The following SRBD1 variants were observed in gnomAD, a reference collection of about 807,000 sequenced individuals.
SRBD1 encodes S1 RNA-binding domain-containing protein 1.
Under a neutral mutation model 115.3 loss-of-function variants are expected in SRBD1, and 88 were observed. That is an observed-to-expected ratio of 0.76 (90% CI 0.64 to 0.91). The LOEUF is 0.91. Ranked by LOEUF, SRBD1 falls within the 40% of genes least tolerant of loss-of-function variation. The pLI is 0.00. For synonymous variants in SRBD1, 509 were observed against 407.7 expected, an observed-to-expected ratio of 1.25 and a Z score of -2.99; for missense variants, 1,385 against 1,177.4, an observed-to-expected ratio of 1.18 and a Z score of -2.58.
chr2:45,548,814 A>AT lies in SRBD1; in HGVS notation c.1676-1203dup, dbSNP rs145782311. 8.4e-3 allele frequency among the ~76,000 whole-genome samples: 1,286 copies of AT among 152,286 alleles called. 19 individuals carry two copies. Among genetic ancestry groups the AT allele is most frequent in the African/African-American group, 0.029 (1,192 of 41,558 alleles). ...ATAACAAAAACAAAAAGTCACGACT[A>AT]TATCTAGAACATAGATAAAATATCC... On this transcript the variant is annotated intron_variant, in intron 12 of 20. Coordinates refer to ENST00000263736, the MANE Select transcript of SRBD1 (RefSeq NM_018079.5).
chr2:45,538,469 G>A (rs1671834052), intron 14 of SRBD1, among the ~76,000 whole-genome samples: 1 of 152,242 alleles, frequency 6.6e-6, no homozygotes, highest in African/African-American at 2.4e-5. Flanking sequence ...CGATAGTGAA[G>A]TAGCATCTTC....
chr2:45,580,864 T>C (rs1386872579), intron 6 of SRBD1, among the ~76,000 whole-genome samples: 1 of 151,014 alleles, frequency 6.6e-6, no homozygotes, highest in Admixed American at 6.6e-5. Context: ...TTTGTATTTT[T>C]AGTAGAGACG....
intron 9 of SRBD1, among the ~76,000 whole-genome samples, chr2:45,566,947 G>A (rs574532182): frequency 2.6e-5 from 4 of 152,110 alleles, no homozygotes; most frequent in African/African-American, 9.6e-5. Flanking sequence ...AATAAACTAA[G>A]TTCTCCCTTT....
At chr2:45,499,299 T>C (rs973004672) in intron 14 of SRBD1, among the ~76,000 whole-genome samples, 7 of 152,228 alleles carry the variant, frequency 4.6e-5, no homozygotes, top group Admixed American at 1.3e-4. Context: ...TGTCTTCTTC[T>C]GAGAAATGTT....
intron 15 of SRBD1, among the ~76,000 whole-genome samples, chr2:45,482,417 C>G (rs1033802192): frequency 2.6e-5 from 4 of 151,958 alleles, no homozygotes; most frequent in Admixed American, 6.6e-5. Context: ...AAAATTGATG[C>G]TTCTACCATA....
At chr2:45,420,883 T>C (rs543103530) in intron 16 of SRBD1, among the ~76,000 whole-genome samples, 1 of 152,224 alleles carries the variant, frequency 6.6e-6, no homozygotes, top group Non-Finnish European at 1.5e-5. Flanking sequence ...TATTATACTT[T>C]AAGTTGTTCT....
At chr2:45,599,168 C>CCGGTT (rs1199754421) in intron 4 of SRBD1, among the ~76,000 whole-genome samples, 1 of 152,054 alleles carries the variant, frequency 6.6e-6, no homozygotes, top group African/African-American at 2.4e-5. Context: ...CTGTGGGGGC[C>CCGGTT]CAACCAGTTG....
chr2:45,477,019 T>G lies in SRBD1; in HGVS notation c.2023A>C (p.Lys675Gln). The change falls in exon 16 of 21, where the codon AAG (lysine) becomes CAG (glutamine). Residue 675 changes from lysine (K) to glutamine (Q), a missense_variant. Physicochemically the swap from Lys to Gln is moderately conservative, Grantham distance 53 (BLOSUM62 1). Coordinates refer to ENST00000263736, the MANE Select transcript of SRBD1 (RefSeq NM_018079.5). ...PLAELVKIEPKHIGVGMYQHD... is the reference protein window; with the variant it reads ...PLAELVKIEPQHIGVGMYQHD... ...TGATACATTCCAACTCCAATGTGCT[T>G]TGGCTCAATTTTCACTAGCTCAGCT... 6.2e-7 allele frequency: 1 copy of G among 1,613,800 alleles called. No individual in the cohort carries two copies. The highest frequency in any genetic ancestry group is 8.5e-7 in the Non-Finnish European group (1 of 1,179,892).
Position 45,601,998 on chromosome 2 carries a change from G to A in SRBD1, c.166C>T (p.Pro56Ser), listed in dbSNP as rs201888826. ...ATCCTCTTTGGTTTGGATTCCTTGG[G>A]AGGGGGCTGTTTACGGCTTCTGGGA... ...KVPRSRKQPPPKESKPKRMPR... is the reference protein window; with the variant it reads ...KVPRSRKQPPSKESKPKRMPR... The change falls in exon 3 of 21, where the codon CCC (proline) becomes TCC (serine). Residue 56 changes from proline (P) to serine (S), a missense_variant. Pro to Ser is a moderately conservative substitution (Grantham distance 74). Coordinates refer to ENST00000263736, the MANE Select transcript of SRBD1 (RefSeq NM_018079.5). The A allele has an allele frequency of 5.0e-5, 81 of 1,614,106 alleles. No homozygotes were observed. The highest frequency in any genetic ancestry group is 1.5e-5 in the Non-Finnish European group (18 of 1,180,042).
chr2:45,541,025 C>A (rs1430859139), intron 14 of SRBD1, among the ~76,000 whole-genome samples: 1 of 152,224 alleles, frequency 6.6e-6, no homozygotes, highest in African/African-American at 2.4e-5. Context: ...CTCACTCAAG[C>A]TGGCAGGCTG....
In SRBD1 at chr2:45,392,439, C is replaced by T. The variant is rs77519696; in HGVS notation, c.2698+506G>A. 2.6e-5 allele frequency among the ~76,000 whole-genome samples: 4 copies of T among 152,316 alleles called. No homozygotes were observed. In the East Asian group the frequency reaches 7.7e-4, roughly 29 times the overall value. ...GTTACATGGAAGTATAATTCCCTCA[C>T]CATCTACCTGTGCTGAAAGCTGAGA... is the stretch of plus-strand genomic sequence containing the variant. On this transcript the variant is annotated intron_variant, in intron 20 of 20. Transcript: ENST00000263736.
At chr2:45,567,705 C>G (rs1167976204) in intron 9 of SRBD1, among the ~76,000 whole-genome samples, 1 of 151,814 alleles carries the variant, frequency 6.6e-6, no homozygotes, top group Non-Finnish European at 1.5e-5. Context: ...ACAAAATAAA[C>G]TTCAGTTTGA....
intron 16 of SRBD1, among the ~76,000 whole-genome samples, chr2:45,452,021 T>A (rs2103745154): frequency 6.6e-6 from 1 of 152,120 alleles, no homozygotes; most frequent in East Asian, 1.9e-4. Flanking sequence ...TTTGTTTACA[T>A]ATTTATTATA....
At chr2:45,513,149 C>G (rs1572719853) in intron 14 of SRBD1, among the ~76,000 whole-genome samples, 1 of 152,128 alleles carries the variant, frequency 6.6e-6, no homozygotes, top group Non-Finnish European at 1.5e-5. Flanking sequence ...CAATATTCTT[C>G]TATAATTTTT....
At chr2:45,545,315 A>AAAAAAAAAAAAAAAAC (rs1209226372) in intron 14 of SRBD1, among the ~76,000 whole-genome samples, 9 of 123,612 alleles carry the variant, frequency 7.3e-5, no homozygotes, top group Non-Finnish European at 1.1e-4. Context: ...AAAAAAAAAA[A>AAAAAAAAAAAAAAAAC]CAGATGAACC....
At chr2:45,596,611 G>C (rs1268676478) in intron 4 of SRBD1, among the ~76,000 whole-genome samples, 1 of 152,158 alleles carries the variant, frequency 6.6e-6, no homozygotes, top group Admixed American at 6.5e-5. Context: ...TATCCATAAA[G>C]GATTTTTTGA....
intron 16 of SRBD1, among the ~76,000 whole-genome samples, chr2:45,449,276 T>C (rs1668919301): frequency 6.6e-6 from 1 of 152,206 alleles, no homozygotes; most frequent in Non-Finnish European, 1.5e-5. Context: ...ACTGTCAGTC[T>C]GCACACTGAA....
chr2:45,489,072 A>G (rs912961536), intron 14 of SRBD1, among the ~76,000 whole-genome samples: 1 of 152,194 alleles, frequency 6.6e-6, no homozygotes, highest in African/African-American at 2.4e-5. Flanking sequence ...CAATGAGAAT[A>G]CTGTCTTACA....
intron 14 of SRBD1, among the ~76,000 whole-genome samples, chr2:45,540,908 G>C (rs1671913037): frequency 6.6e-6 from 1 of 152,236 alleles, no homozygotes; most frequent in South Asian, 2.1e-4. Context: ...AGGATACAGA[G>C]AAACTAGTGT....
Sources: gnomAD v4.1 joint callset for allele counts (sites outside exome capture counted in the v4.1 genomes callset) on GRCh38, gnomAD v4.1.1 for gene constraint, MANE v1.5 for transcripts, NCBI Gene and HGNC (gene_info 2026-07-23, HGNC 2026-07-21) for gene names.